DGKB: variants seen among roughly 807,000 people sequenced by gnomAD.
The protein encoded by DGKB is diacylglycerol kinase beta.
In DGKB, 67 loss-of-function variants were observed where a neutral mutation model predicts 114.3. The observed-to-expected ratio is 0.59, with a 90% CI of 0.48 to 0.72. The LOEUF (loss-of-function observed/expected upper bound fraction) is 0.72. DGKB is among the 30% of genes least tolerant of loss of function. The probability of loss-of-function intolerance (pLI) is 0.00; values close to 1 mark genes in which losing one functional copy is unlikely to be tolerated. For missense variants in DGKB, 907 were observed against 975.2 expected (o/e 0.93, Z 0.93); for synonymous variants, 398 against 323.1 (o/e 1.23, Z -2.49).
intron 21 of DGKB, among the ~76,000 whole-genome samples, chr7:14,477,337 G>A (rs1163847160): frequency 1.3e-5 from 2 of 152,154 alleles, no homozygotes; most frequent in African/African-American, 4.8e-5. Context: ...GCCAAATGCA[G>A]CGACAATAAA....
rs939622514 is a variant in DGKB at position 14,620,774 on chromosome 7, G to A, written c.1284+604C>T. 2.6e-5 allele frequency among the ~76,000 whole-genome samples: 4 copies of A among 151,630 alleles called. No homozygotes were observed. The South Asian group carries it at 8.3e-4, about 31-fold the overall frequency. On this transcript the variant is annotated intron_variant, in intron 15 of 25. Coordinates refer to ENST00000402815, the MANE Select transcript of DGKB (RefSeq NM_001350709.2). ...TAAAATGCTATTCTTGATGCCACAG[G>A]CGGTAAAGATAACTTACACGTTTTT...
At chr7:14,471,957 T>A (rs189749073) in intron 21 of DGKB, among the ~76,000 whole-genome samples, 2 of 152,164 alleles carry the variant, frequency 1.3e-5, no homozygotes, top group African/African-American at 4.8e-5. Context: ...TGAGAACCTA[T>A]CTTTGTTTCA....
chr7:14,867,884 C>T (rs1451704052), intron 1 of DGKB, among the ~76,000 whole-genome samples: 1 of 152,072 alleles, frequency 6.6e-6, no homozygotes, highest in Non-Finnish European at 1.5e-5. Context: ...TCAGCTGTCC[C>T]AGTCAAACAT....
chr7:14,491,103 C>T (rs1268437216), intron 20 of DGKB, among the ~76,000 whole-genome samples: 1 of 152,002 alleles, frequency 6.6e-6, no homozygotes, highest in Admixed American at 6.6e-5. Context: ...ACTCATGGTG[C>T]TACTTCCATA....
chr7:14,375,693 G>A (rs182602531), intron 21 of DGKB, among the ~76,000 whole-genome samples: 4 of 152,206 alleles, frequency 2.6e-5, no homozygotes, highest in Admixed American at 6.5e-5. Flanking sequence ...GATGCCTCAC[G>A]CTGGCATTTC....
chr7:14,689,284 C>T (rs560982803), intron 9 of DGKB, among the ~76,000 whole-genome samples: 16 of 143,318 alleles, frequency 1.1e-4, no homozygotes, highest in African/African-American at 4.2e-4. Flanking sequence ...CGGCTCACTG[C>T]AAGCTCCGCC....
At chr7:14,825,263 G>T (rs113451963) in intron 2 of DGKB, among the ~76,000 whole-genome samples, 4,819 of 151,592 alleles carry the variant, frequency 0.032, 137 homozygotes, top group South Asian at 0.067. Context: ...ATTTTTCCAT[G>T]GACCAGGGAG....
chr7:14,423,549 A>G (rs1827050963), intron 21 of DGKB, among the ~76,000 whole-genome samples: 1 of 152,098 alleles, frequency 6.6e-6, no homozygotes, highest in Admixed American at 6.6e-5. Context: ...TAACTGTGTA[A>G]TTACTGATTA....
In DGKB at chr7:14,478,244, A is replaced by G. The variant is rs753857555; in HGVS notation, c.1771-19T>C. On this transcript the variant is annotated intron_variant, in intron 20 of 25. Coordinates refer to ENST00000402815, the MANE Select transcript of DGKB (RefSeq NM_001350709.2). ...AGGCATCCTAAGGGGAGAAAATAGA[A>G]AACAAAAACAGGATGGTTTATGATC... 80 of 1,496,920 alleles carry G rather than the reference A, an allele frequency of 5.3e-5. No homozygotes were observed. Among genetic ancestry groups the G allele is most frequent in the Non-Finnish European group, 7.0e-5 (77 of 1,094,972 alleles). 92.7% of individuals were successfully genotyped at this position (1,496,920 alleles called of 1,614,324 possible).
chr7:14,524,627 G>T (rs1437681592), intron 20 of DGKB, among the ~76,000 whole-genome samples: 1 of 151,882 alleles, frequency 6.6e-6, no homozygotes, highest in Admixed American at 6.6e-5. Flanking sequence ...ATGGTGGTAT[G>T]TGCCTGTAGT....
chr7:14,778,133 TA>T (rs1838486288), intron 2 of DGKB, among the ~76,000 whole-genome samples: 1 of 152,168 alleles, frequency 6.6e-6, no homozygotes, highest in Non-Finnish European at 1.5e-5. Context: ...TTCTTAAAGA[TA>T]AAAGACTGAC....
Position 14,643,917 on chromosome 7 carries a change from C to G in DGKB, c.1135-13649G>C, listed in dbSNP as rs73680301. 3.8e-3 allele frequency among the ~76,000 whole-genome samples: 582 copies of G among 152,244 alleles called. 1 individual carries two copies. Among genetic ancestry groups the G allele is most frequent in the African/African-American group, 0.013 (531 of 41,542 alleles). On this transcript the variant is annotated intron_variant, in intron 13 of 25. Coordinates refer to ENST00000402815, the MANE Select transcript of DGKB (RefSeq NM_001350709.2). ...CTCCAATAGTGGGGCTGCTGCGCAC[C>G]TTTGCACACCATTTAGGAGCCAGAG...
At chr7:14,425,437 T>C (rs1827356866) in intron 21 of DGKB, among the ~76,000 whole-genome samples, 2 of 152,086 alleles carry the variant, frequency 1.3e-5, no homozygotes, top group African/African-American at 2.4e-5. Flanking sequence ...AATTTACTAA[T>C]TGTCACAGGT....
At chr7:14,387,579 A>G (rs1050356576) in intron 21 of DGKB, among the ~76,000 whole-genome samples, 6 of 151,840 alleles carry the variant, frequency 4.0e-5, no homozygotes, top group African/African-American at 1.5e-4. Context: ...TGCTCAGCTA[A>G]TTGTTTTGTT....
intron 23 of DGKB, among the ~76,000 whole-genome samples, chr7:14,335,969 C>A (rs1810574485): frequency 6.6e-6 from 1 of 152,224 alleles, no homozygotes; most frequent in Non-Finnish European, 1.5e-5. Flanking sequence ...GGCTTGAACT[C>A]CCTGCTTCAA....
intron 21 of DGKB, among the ~76,000 whole-genome samples, chr7:14,363,231 A>C (rs1380038336): frequency 1.3e-5 from 2 of 152,170 alleles, no homozygotes; most frequent in East Asian, 3.9e-4. Context: ...CTGGTGTGCT[A>C]AGAACAAATA....
At chr7:14,754,012 A>G (rs895777428) in intron 3 of DGKB, 64 bp from the exon 4 acceptor site, 2 of 1,091,814 alleles carry the variant, frequency 1.8e-6, no homozygotes, top group African/African-American at 1.6e-5. Context: ...TCATTATCTC[A>G]TATCTCTGAT....
At chr7:14,842,282 G>C (rs925571085) in intron 1 of DGKB, among the ~76,000 whole-genome samples, 1 of 152,126 alleles carries the variant, frequency 6.6e-6, no homozygotes. Context: ...GACTCATTTG[G>C]TCTTAGTGCC....
At chr7:14,701,819 T>C (rs1305628912) in intron 6 of DGKB, 89 bp from the exon 7 acceptor site, 2 of 856,498 alleles carry the variant, frequency 2.3e-6, no homozygotes, top group East Asian at 5.0e-5. Context: ...TAGTTTGTGT[T>C]GAAAACAAAT....
Sources: allele counts gnomAD v4.1 joint callset (sites outside exome capture counted in the v4.1 genomes callset), GRCh38; gene constraint gnomAD v4.1.1; transcripts MANE v1.5; gene names NCBI Gene and HGNC (gene_info 2026-07-23, HGNC 2026-07-21).